The following ADD3 variants were observed in gnomAD, a reference collection of about 807,000 sequenced individuals.
ADD3 encodes the protein adducin 3.
A neutral mutation model predicts 80.2 loss-of-function variants in ADD3; 25 were observed. The ratio of observed to expected loss-of-function variants is 0.31; its 90% CI spans 0.23 to 0.44. ADD3 has a LOEUF of 0.44. ADD3 is among the 20% of genes least tolerant of loss of function. The pLI is 1.00. For missense variants in ADD3, 829 were observed against 847.5 expected (o/e 0.98, Z 0.27); for synonymous variants, 284 against 289.6 (o/e 0.98, Z 0.20).
intron 13 of ADD3, among the ~76,000 whole-genome samples, chr10:110,131,150 T>C (rs550973773): frequency 6.6e-6 from 1 of 152,356 alleles, no homozygotes; most frequent in East Asian, 1.9e-4. Flanking sequence ...AAAATTTTGA[T>C]GTGACTTTCC....
chr10:110,071,660 TA>T (rs1346872936), intron 1 of ADD3, among the ~76,000 whole-genome samples: 1 of 152,110 alleles, frequency 6.6e-6, no homozygotes, highest in Non-Finnish European at 1.5e-5. Flanking sequence ...AAGGTGTTAA[TA>T]AAATGCATAG....
Position 110,124,031 on chromosome 10 carries a change from C to T in ADD3, c.1158C>T (p.Gly386=). 1 of 1,614,110 alleles carries T rather than the reference C, an allele frequency of 6.2e-7. No homozygotes were observed. Among genetic ancestry groups the T allele is most frequent in the South Asian group, 1.1e-5 (1 of 91,078 alleles). ...CCCTCCCTTAGGGGTATAGAACAGG[C>T]TATGCTTACAGGCATCCTCTCATTC... ...RTLDNLGYRT[G]YAYRHPLIRE... The change falls in exon 10 of 15, where the codon GGC becomes GGT. Residue 386 remains glycine (G), a synonymous_variant. Transcript: ENST00000356080.
chr10:110,130,411 C>G lies in ADD3; in HGVS notation c.1657C>G (p.Pro553Ala), dbSNP rs1374624285. Residue 553 changes from proline to alanine, a missense_variant, in exon 13 of 15, where the codon CCA becomes GCA. Coordinates refer to ENST00000356080, the MANE Select transcript of ADD3 (RefSeq NM_016824.5). ...TCATGGCCCACCAGCTCCTCCTAACCCATTTAGTCATCTCACAGAAGGAGA... is the reference window on the plus strand; with the variant it reads ...TCATGGCCCACCAGCTCCTCCTAACGCATTTAGTCATCTCACAGAAGGAGA... ...DDHGPPAPPNPFSHLTEGELE... is the reference protein window; with the variant it reads ...DDHGPPAPPNAFSHLTEGELE... 2 of 1,613,988 alleles carry G rather than the reference C, an allele frequency of 1.2e-6. No individual in the cohort carries two copies. The highest frequency in any genetic ancestry group is 1.7e-6 in the Non-Finnish European group (2 of 1,179,910).
chr10:110,003,302 G>GGGGTGTGT (rs140966434), upstream of ADD3, among the ~76,000 whole-genome samples: 5 of 146,942 alleles, frequency 3.4e-5, no homozygotes, highest in African/African-American at 1.3e-4. Flanking sequence ...GAACAGTAAG[G>GGGGTGTGT]GTGTGTGTGT....
intron 8 of ADD3, 200 bp downstream of exon 8, chr10:110,119,764 A>G: frequency 9.7e-6 from 5 of 515,412 alleles, no homozygotes; most frequent in Middle Eastern, 5.2e-4. Flanking sequence ...AAATTTTCTC[A>G]CACACAATCT....
intron 3 of ADD3, 135 bp from the exon 4 acceptor site, chr10:110,116,119 AATATT>A (rs1850699882): frequency 1.4e-6 from 1 of 736,702 alleles, no homozygotes; most frequent in African/African-American, 1.8e-5. Context: ...AAGCTAATAA[AATATT>A]ATATGGGCTG....
At chr10:110,092,184 C>T (rs1847601570) in intron 1 of ADD3, among the ~76,000 whole-genome samples, 1 of 152,170 alleles carries the variant, frequency 6.6e-6, no homozygotes, top group Non-Finnish European at 1.5e-5. Flanking sequence ...TAAAACAGAA[C>T]TACCATTCAA....
chr10:110,111,894 C>G (rs544845547), intron 2 of ADD3, among the ~76,000 whole-genome samples: 1 of 149,248 alleles, frequency 6.7e-6, no homozygotes, highest in African/African-American at 2.5e-5. Flanking sequence ...GCCTGGGCAA[C>G]AAGAGCGAAA....
At chr10:110,123,943 C>A in intron 9 of ADD3, 74 bp from the exon 10 acceptor site, 2 of 1,446,994 alleles carry the variant, frequency 1.4e-6, no homozygotes, top group Non-Finnish European at 1.9e-6. Context: ...CATTTGTATA[C>A]AAAAGGAATT....
chr10:110,029,235 A>T (rs528328558), intron 1 of ADD3, among the ~76,000 whole-genome samples: 3 of 152,318 alleles, frequency 2.0e-5, no homozygotes, highest in African/African-American at 7.2e-5. Flanking sequence ...TGGAATGTAG[A>T]CATTTTATGT....
Position 110,130,233 on chromosome 10 carries a change from T to C in ADD3, c.1609-130T>C, listed in dbSNP as rs1852779414. 5 of 925,984 alleles carry C rather than the reference T, an allele frequency of 5.4e-6. No individual in the cohort carries two copies. In the South Asian group the frequency reaches 8.4e-5, roughly 15 times the overall value. 57.4% of individuals were successfully genotyped at this position (925,984 alleles called of 1,614,324 possible). Reference sequence around the variant, plus strand: ...TAAACAAAGCATGTTACCTTGCATTTCTTAGGATTGTTGTGAAATAAGGCT... The same window carrying C: ...TAAACAAAGCATGTTACCTTGCATTCCTTAGGATTGTTGTGAAATAAGGCT... On this transcript the variant is annotated intron_variant, in intron 12 of 14. Transcript: ENST00000356080.
upstream of ADD3, among the ~76,000 whole-genome samples, chr10:110,001,698 A>G (rs1851489558): frequency 6.6e-6 from 1 of 152,170 alleles, no homozygotes. Context: ...AAAAAGTCTC[A>G]ATCCAGGGCC....
chr10:110,090,300 A>C (rs1010518932), intron 1 of ADD3, among the ~76,000 whole-genome samples: 62 of 149,516 alleles, frequency 4.1e-4, no homozygotes, highest in South Asian at 1.3e-3. Flanking sequence ...GCTCACTGCA[A>C]CCTTCACCTC....
intron 1 of ADD3, among the ~76,000 whole-genome samples, chr10:110,031,866 T>G (rs1468029099): frequency 5.3e-5 from 8 of 152,150 alleles, no homozygotes; most frequent in Non-Finnish European, 2.9e-5. Flanking sequence ...TTTATGAGAA[T>G]GCATAAATCA....
intron 1 of ADD3, among the ~76,000 whole-genome samples, chr10:110,097,884 C>T (rs1391789463): frequency 4.0e-5 from 6 of 151,794 alleles, no homozygotes; most frequent in Admixed American, 3.9e-4. Context: ...ACACCATTCT[C>T]CTGCCTCAGC....
intron 8 of ADD3, 80 bp downstream of exon 8, chr10:110,119,644 C>G (rs1851203955): frequency 8.2e-7 from 1 of 1,224,566 alleles, no homozygotes; most frequent in African/African-American, 1.5e-5. Flanking sequence ...TTTGCAAATA[C>G]ATATTAGTTA....
intron 1 of ADD3, among the ~76,000 whole-genome samples, chr10:110,022,717 A>G (rs909432043): frequency 6.6e-6 from 1 of 152,222 alleles, no homozygotes. Context: ...GAGCTATACT[A>G]TAGCAACAAT....
upstream of ADD3, among the ~76,000 whole-genome samples, chr10:110,002,433 C>A (rs1041539939): frequency 6.6e-6 from 1 of 151,946 alleles, no homozygotes; most frequent in Admixed American, 6.6e-5. Context: ...GCCCCCCACA[C>A]CGGGCTAATT....
upstream of ADD3, among the ~76,000 whole-genome samples, chr10:110,007,534 C>T (rs1046724863): frequency 6.6e-6 from 1 of 152,202 alleles, no homozygotes; most frequent in African/African-American, 2.4e-5. Flanking sequence ...CCCCTCCTCC[C>T]CTTCGCGGTC....
Sources: gnomAD v4.1 joint callset for allele counts (sites outside exome capture counted in the v4.1 genomes callset) on GRCh38, gnomAD v4.1.1 for gene constraint, MANE v1.5 for transcripts, NCBI Gene and HGNC (gene_info 2026-07-23, HGNC 2026-07-21) for gene names.